The following SMC6 variants were observed in gnomAD, a reference collection of about 807,000 sequenced individuals.
SMC6 encodes structural maintenance of chromosomes 6.
In SMC6, 79 loss-of-function variants were observed where a neutral mutation model predicts 142.2. The observed-to-expected ratio is 0.56, with a 90% CI of 0.46 to 0.67. The LOEUF (loss-of-function observed/expected upper bound fraction) is 0.67. Among genes scored for constraint, SMC6 ranks in the 30% least tolerant of loss-of-function variants. SMC6 has a pLI of 0.00. For missense variants in SMC6, 1,072 were observed against 1,284.0 expected (o/e 0.83, Z 2.52); for synonymous variants, 411 against 412.4 (o/e 1.00, Z 0.04).
intron 5 of SMC6, among the ~76,000 whole-genome samples, chr2:17,732,316 T>C (rs1669951497): frequency 6.6e-6 from 1 of 152,184 alleles, no homozygotes; most frequent in Admixed American, 6.5e-5. Flanking sequence ...GGTAAAGTAG[T>C]TAACATTTTC....
chr2:17,705,707 T>C (rs894496305), intron 18 of SMC6, among the ~76,000 whole-genome samples: 3 of 152,232 alleles, frequency 2.0e-5, no homozygotes, highest in Non-Finnish European at 4.4e-5. Context: ...AAGCAATCAA[T>C]GTAACTTTAA....
chr2:17,690,849 C>T (rs775136515), intron 23 of SMC6, among the ~76,000 whole-genome samples: 5 of 151,790 alleles, frequency 3.3e-5, no homozygotes, highest in Admixed American at 6.6e-5. Context: ...GAAGGCCACA[C>T]GCTGTTTAGG....
intron 1 of SMC6, among the ~76,000 whole-genome samples, chr2:17,753,322 T>TCGGGGGACGGCCGC (rs1671166342): frequency 2.2e-5 from 1 of 45,798 alleles, no homozygotes; most frequent in Non-Finnish European, 4.8e-5. Flanking sequence ...CCCGGGAGAG[T>TCGGGGGACGGCCGC]CTGGGGACGG....
At chr2:17,737,053 C>T (rs1256221667) in intron 5 of SMC6, among the ~76,000 whole-genome samples, 1 of 152,134 alleles carries the variant, frequency 6.6e-6, no homozygotes, top group Non-Finnish European at 1.5e-5. Flanking sequence ...TGGACTGGGG[C>T]CCCATGAAGT....
At chr2:17,673,639 G>A (rs539260730) in intron 25 of SMC6, among the ~76,000 whole-genome samples, 19 of 150,180 alleles carry the variant, frequency 1.3e-4, no homozygotes, top group Non-Finnish European at 2.2e-4. Flanking sequence ...GTGTGATCTC[G>A]GTTCGCTGCA....
At chr2:17,721,288 T>C (rs1014542995) in intron 9 of SMC6, 27 bp from the exon 10 acceptor site, 13 of 1,527,640 alleles carry the variant, frequency 8.5e-6, no homozygotes, top group Non-Finnish European at 1.1e-5. Context: ...AGAACGGACG[T>C]ATTTTTTATT....
intron 23 of SMC6, among the ~76,000 whole-genome samples, chr2:17,687,637 T>A (rs1667520057): frequency 6.6e-6 from 1 of 151,576 alleles, no homozygotes. Flanking sequence ...CTATAGGGAG[T>A]GGGCCAGGGG....
chr2:17,716,664 G>T, intron 14 of SMC6, 77 bp downstream of exon 14: 1 of 1,345,712 alleles, frequency 7.4e-7, no homozygotes, highest in Non-Finnish European at 1.0e-6. Flanking sequence ...AACCATATTT[G>T]CTCTCTTCAT....
intron 7 of SMC6, among the ~76,000 whole-genome samples, chr2:17,729,885 C>T (rs763024352): frequency 5.1e-4 from 78 of 152,200 alleles, no homozygotes; most frequent in Non-Finnish European, 8.7e-4. Context: ...CTAGTGGTTA[C>T]CCCACTGAAT....
chr2:17,673,816 ACC>A (rs890904426), intron 25 of SMC6, among the ~76,000 whole-genome samples: 9 of 151,086 alleles, frequency 6.0e-5, no homozygotes, highest in Non-Finnish European at 1.3e-4. Context: ...TGATCCACCC[ACC>A]TCAGCCTCCC....
chr2:17,736,467 T>G (rs1318068075), intron 5 of SMC6, among the ~76,000 whole-genome samples: 1 of 152,154 alleles, frequency 6.6e-6, no homozygotes, highest in Non-Finnish European at 1.5e-5. Flanking sequence ...AGAAAACATT[T>G]AACAGTGTAT....
At chr2:17,726,087 T>TAAAAAAAAAAAAAAAAAAAAAAAAA (rs35471536) in intron 8 of SMC6, among the ~76,000 whole-genome samples, 1 of 54,966 alleles carries the variant, frequency 1.8e-5, no homozygotes, top group African/African-American at 9.1e-5. Context: ...GGCTCTGTCT[T>TAAAAAAAAAAAAAAAAAAAAAAAAA]AAAAAAAAAA....
chr2:17,730,578 C>T (rs1276279247), intron 7 of SMC6, among the ~76,000 whole-genome samples: 1 of 150,858 alleles, frequency 6.6e-6, no homozygotes, highest in East Asian at 1.9e-4. Flanking sequence ...TATGTATTGA[C>T]AGTCCTGTGT....
At chr2:17,744,189 TAATG>T (rs1370590748) in intron 3 of SMC6, among the ~76,000 whole-genome samples, 1 of 152,162 alleles carries the variant, frequency 6.6e-6, no homozygotes, top group East Asian at 1.9e-4. Context: ...TTCTCACCAG[TAATG>T]AATGAGAGTT....
chr2:17,723,577 T>C (rs1302452779), intron 9 of SMC6, among the ~76,000 whole-genome samples: 6 of 152,194 alleles, frequency 3.9e-5, no homozygotes, highest in Non-Finnish European at 8.8e-5. Context: ...GTTTTCTTCT[T>C]AGGCATCACT....
intron 2 of SMC6, among the ~76,000 whole-genome samples, chr2:17,752,540 G>C (rs1671097313): frequency 6.6e-6 from 1 of 152,150 alleles, no homozygotes; most frequent in Non-Finnish European, 1.5e-5. Context: ...CTGGCTTTTT[G>C]TGATATAAAT....
At chr2:17,745,440 G>T (rs1269476795) in intron 3 of SMC6, among the ~76,000 whole-genome samples, 1 of 152,096 alleles carries the variant, frequency 6.6e-6, no homozygotes, top group Non-Finnish European at 1.5e-5. Flanking sequence ...CCTTTTTGAG[G>T]ATTGGTCCAC....
chr2:17,740,734 CA>C, intron 4 of SMC6: 1 of 446,778 alleles, frequency 2.2e-6, no homozygotes. Context: ...ACGCTAATCC[CA>C]GTTACTCACA....
intron 14 of SMC6, 97 bp from the exon 15 acceptor site, chr2:17,716,361 A>G (rs1303030071): frequency 3.4e-6 from 4 of 1,159,458 alleles, no homozygotes; most frequent in Admixed American, 5.9e-5. Flanking sequence ...TGAACGACCC[A>G]GCTAGCTACC....
Sources: allele counts gnomAD v4.1 joint callset (sites outside exome capture counted in the v4.1 genomes callset), GRCh38; gene constraint gnomAD v4.1.1; transcripts MANE v1.5; gene names NCBI Gene and HGNC (gene_info 2026-07-23, HGNC 2026-07-21).